Variants in SLC9D1 observed in about 807,000 individuals in gnomAD.
The protein encoded by SLC9D1 is solute carrier family 9 member D1, also known as putative LAG1-interacting protein.
At chr13:113,544,440 C>T in the SLC9D1 span, among the ~76,000 whole-genome samples, 7 of 152,340 alleles carry the variant, frequency 4.6e-5, no homozygotes, top group East Asian at 1.4e-3. Flanking sequence ...GTGGTCTTCC[C>T]ACTAGATGAG....
chr13:113,500,113 T>G, the SLC9D1 span: 4 of 1,568,062 alleles, frequency 2.6e-6, no homozygotes, highest in Non-Finnish European at 3.5e-6. Flanking sequence ...AGCCCAGAGA[T>G]TCAACCATCC....
At chr13:113,534,895 CATG>C in the SLC9D1 span, 1 of 152,032 alleles carries the variant, frequency 6.6e-6, no homozygotes, top group African/African-American at 2.4e-5. Flanking sequence ...TCCTGGCTAA[CATG>C]ATGAAACCCC....
At chr13:113,496,052 G>GAGAGGGAGAGGGAGAGAGAT in the SLC9D1 span, 1 of 1,475,118 alleles carries the variant, frequency 6.8e-7, no homozygotes, top group Non-Finnish European at 9.3e-7. Context: ...GAGAGAGAGA[G>GAGAGGGAGAGGGAGAGAGAT]AGAGGGAGAG....
chr13:113,526,374 A>G, the SLC9D1 span, among the ~76,000 whole-genome samples: 1 of 152,228 alleles, frequency 6.6e-6, no homozygotes, highest in Non-Finnish European at 1.5e-5. Context: ...AAAGTTAAAA[A>G]GTTACAGTAA....
chr13:113,517,272 G>A, the SLC9D1 span, among the ~76,000 whole-genome samples: 22 of 152,192 alleles, frequency 1.4e-4, no homozygotes, highest in South Asian at 6.2e-4. Flanking sequence ...TCGCTCTGTC[G>A]CCCAGGCTGG....
chr13:113,518,773 T>C, the SLC9D1 span, among the ~76,000 whole-genome samples: 2 of 152,210 alleles, frequency 1.3e-5, no homozygotes, highest in African/African-American at 4.8e-5. Context: ...ATCTCCTGAA[T>C]CGTGTAACCC....
At chr13:113,536,460 G>A in the SLC9D1 span, 1 of 530,508 alleles carries the variant, frequency 1.9e-6, no homozygotes. Context: ...TGGTTGTAGT[G>A]ATTTTAACTA....
the SLC9D1 span, among the ~76,000 whole-genome samples, chr13:113,502,818 A>G: frequency 1.8e-4 from 27 of 152,290 alleles, 1 homozygote; most frequent in South Asian, 5.6e-3. Context: ...TGAGCCTGGG[A>G]CTAGGCCCAG....
At chr13:113,502,986 G>A in the SLC9D1 span, among the ~76,000 whole-genome samples, 3,628 of 152,352 alleles carry the variant, frequency 0.024, 97 homozygotes, top group East Asian at 0.12. Flanking sequence ...CCAGGACAGG[G>A]CTCGCCTTGG....
the SLC9D1 span, among the ~76,000 whole-genome samples, chr13:113,507,919 G>A: frequency 3.3e-5 from 5 of 152,286 alleles, no homozygotes; most frequent in East Asian, 5.8e-4. Context: ...GGGCCCTCCC[G>A]TCAGCGCCTC....
the SLC9D1 span, among the ~76,000 whole-genome samples, chr13:113,497,721 A>G: frequency 6.6e-6 from 1 of 152,226 alleles, no homozygotes; most frequent in Non-Finnish European, 1.5e-5. Flanking sequence ...ACTACTTAGT[A>G]ATTGAGGCGA....
the SLC9D1 span, chr13:113,500,214 G>A: frequency 2.9e-4 from 310 of 1,085,126 alleles, 2 homozygotes; most frequent in East Asian, 8.0e-3. Context: ...CAGTATGACC[G>A]AGCTTTATCT....
At chr13:113,518,766 T>C in the SLC9D1 span, among the ~76,000 whole-genome samples, 1 of 152,196 alleles carries the variant, frequency 6.6e-6, no homozygotes, top group Admixed American at 6.5e-5. Context: ...TTTTATCATC[T>C]CCTGAATCGT....
At chr13:113,511,760 A>G in the SLC9D1 span, 1 of 152,356 alleles carries the variant, frequency 6.6e-6, no homozygotes, top group Non-Finnish European at 1.5e-5. Context: ...CTCCTAGTTT[A>G]GTGGCCCGCA....
At chr13:113,492,163 A>G in the SLC9D1 span, among the ~76,000 whole-genome samples, 1 of 152,028 alleles carries the variant, frequency 6.6e-6, no homozygotes, top group Non-Finnish European at 1.5e-5. Context: ...TTTAATAGAG[A>G]CAGGGTCTTG....
At chr13:113,533,893 T>G in the SLC9D1 span, 1 of 656,538 alleles carries the variant, frequency 1.5e-6, no homozygotes, top group East Asian at 2.6e-5. Context: ...TGAGTATGAT[T>G]CATAGGTGTT....
chr13:113,492,479 G>C, the SLC9D1 span, among the ~76,000 whole-genome samples: 2 of 152,156 alleles, frequency 1.3e-5, no homozygotes, highest in African/African-American at 4.8e-5. Flanking sequence ...GACCTGTTGA[G>C]ATTGCACCAA....
At chr13:113,534,030 T>C in the SLC9D1 span, 1 of 1,574,766 alleles carries the variant, frequency 6.4e-7, no homozygotes, top group East Asian at 2.2e-5. Flanking sequence ...ATCACGTCTC[T>C]TTTTTCTTTC....
chr13:113,534,198 C>A, the SLC9D1 span: 2 of 1,610,298 alleles, frequency 1.2e-6, no homozygotes, highest in East Asian at 4.5e-5. Context: ...ACAAAGAAAT[C>A]CTGATCTTGG....
Sources: allele counts gnomAD v4.1 joint callset (sites outside exome capture counted in the v4.1 genomes callset), GRCh38; gene constraint gnomAD v4.1.1; transcripts MANE v1.5; gene names NCBI Gene and HGNC (gene_info 2026-07-23, HGNC 2026-07-21).